Variants in VPS35L observed in about 807,000 individuals in gnomAD.
VPS35L encodes the protein VPS35 endosomal protein-sorting factor-like.
Under a neutral mutation model 133.0 loss-of-function variants are expected in VPS35L, and 83 were observed. The ratio of observed to expected loss-of-function variants is 0.62; its 90% CI spans 0.52 to 0.75. The LOEUF (loss-of-function observed/expected upper bound fraction) is 0.75, where lower values mean the gene tolerates loss of function less well. VPS35L is among the 30% of genes least tolerant of loss of function. The pLI, the probability that VPS35L is intolerant of heterozygous loss-of-function variation, is 0.00. For missense variants in VPS35L, 1,083 were observed against 1,206.8 expected, an observed-to-expected ratio of 0.90 and a Z score of 1.52; for synonymous variants, 423 against 449.9, an observed-to-expected ratio of 0.94 and a Z score of 0.76.
At chr16:19,569,720 G>T in intron 3 of VPS35L, 129 bp downstream of exon 3, 1 of 1,006,728 alleles carries the variant, frequency 9.9e-7, no homozygotes, top group Non-Finnish European at 1.4e-6. Flanking sequence ...CCAGGCTGGA[G>T]TGCAGTGGTG....
At chr16:19,610,619 T>C (rs1972686145) in intron 12 of VPS35L, 2 of 415,706 alleles carry the variant, frequency 4.8e-6, no homozygotes, top group Admixed American at 4.4e-5. Flanking sequence ...ACCAACTTAC[T>C]GTAGCTCTAA....
intron 24 of VPS35L, among the ~76,000 whole-genome samples, chr16:19,648,625 T>C (rs1352645006): frequency 1.3e-5 from 2 of 152,114 alleles, no homozygotes; most frequent in Non-Finnish European, 2.9e-5. Flanking sequence ...CCCAGCACTT[T>C]GGGAGTCTGA....
chr16:19,593,069 A>T (rs929688466), intron 8 of VPS35L, among the ~76,000 whole-genome samples: 3 of 152,146 alleles, frequency 2.0e-5, no homozygotes, highest in African/African-American at 2.4e-5. Context: ...CTAGTCCCAC[A>T]CACCACCTCA....
At chr16:19,632,543 C>T (rs887783873) in intron 18 of VPS35L, among the ~76,000 whole-genome samples, 2 of 152,200 alleles carry the variant, frequency 1.3e-5, no homozygotes, top group Non-Finnish European at 2.9e-5. Flanking sequence ...GTGATGGTGT[C>T]TGGCGTGCTC....
intron 2 of VPS35L, among the ~76,000 whole-genome samples, chr16:19,566,786 C>T (rs1353314151): frequency 6.6e-6 from 1 of 151,450 alleles, no homozygotes; most frequent in Admixed American, 6.6e-5. Context: ...GAGTTTCACT[C>T]TTGCCCAGGC....
At chr16:19,618,513 T>C (rs1972971586) in intron 14 of VPS35L, among the ~76,000 whole-genome samples, 1 of 152,176 alleles carries the variant, frequency 6.6e-6, no homozygotes, top group African/African-American at 2.4e-5. Flanking sequence ...ATTCATGGTA[T>C]ATGGCTAAGT....
chr16:19,599,046 C>T (rs181670420), intron 8 of VPS35L, among the ~76,000 whole-genome samples: 1 of 152,146 alleles, frequency 6.6e-6, no homozygotes, highest in East Asian at 1.9e-4. Flanking sequence ...CGAGGTGTGG[C>T]GCTATAGGGA....
At chr16:19,659,547 T>C (rs1409337442) in intron 26 of VPS35L, among the ~76,000 whole-genome samples, 1 of 152,252 alleles carries the variant, frequency 6.6e-6, no homozygotes, top group Non-Finnish European at 1.5e-5. Context: ...AGGTATTTAA[T>C]TGTTCCTGGA....
intron 8 of VPS35L, among the ~76,000 whole-genome samples, chr16:19,598,816 A>G (rs1278558465): frequency 1.3e-5 from 2 of 151,720 alleles, no homozygotes; most frequent in African/African-American, 2.4e-5. Flanking sequence ...GAATGTGGAG[A>G]TGAAATTTTT....
intron 27 of VPS35L, among the ~76,000 whole-genome samples, chr16:19,673,086 C>T (rs2151608714): frequency 6.6e-6 from 1 of 152,272 alleles, no homozygotes; most frequent in African/African-American, 2.4e-5. Context: ...TCTGAGGTGT[C>T]ATCACAGTGC....
intron 30 of VPS35L, 93 bp from the exon 31 acceptor site, chr16:19,700,284 GA>G: frequency 8.9e-7 from 1 of 1,120,328 alleles, no homozygotes; most frequent in Non-Finnish European, 1.3e-6. Flanking sequence ...TCTCTGCTAA[GA>G]AATCTAAGCT....
At chr16:19,570,635 A>G (rs1457398015) in intron 3 of VPS35L, among the ~76,000 whole-genome samples, 1 of 151,478 alleles carries the variant, frequency 6.6e-6, no homozygotes, top group Non-Finnish European at 1.5e-5. Context: ...TTACAGCATC[A>G]ACTTACTGCA....
chr16:19,632,273 T>G (rs1416186752), intron 18 of VPS35L, among the ~76,000 whole-genome samples: 1 of 152,214 alleles, frequency 6.6e-6, no homozygotes, highest in Non-Finnish European at 1.5e-5. Flanking sequence ...GAGTTACTAA[T>G]TATTTAATAT....
chr16:19,638,695 C>T (rs113872509), intron 20 of VPS35L, among the ~76,000 whole-genome samples: 21 of 152,310 alleles, frequency 1.4e-4, no homozygotes, highest in African/African-American at 3.4e-4. Flanking sequence ...AAGTGACTAA[C>T]GAGCAGGTAG....
intron 8 of VPS35L, among the ~76,000 whole-genome samples, chr16:19,600,126 T>C (rs771325352): frequency 6.6e-6 from 1 of 152,196 alleles, no homozygotes; most frequent in Non-Finnish European, 1.5e-5. Flanking sequence ...CCTCTTAGCT[T>C]GGCTGGCTTC....
At chr16:19,578,976 G>C in intron 5 of VPS35L, 76 bp from the exon 6 acceptor site, 6 of 1,140,550 alleles carry the variant, frequency 5.3e-6, no homozygotes, top group Non-Finnish European at 7.9e-6. Context: ...ATGAAGTGTA[G>C]AGTGAAAGAT....
At chr16:19,689,040 CTTTTT>C (rs766276644) in intron 28 of VPS35L, among the ~76,000 whole-genome samples, 1 of 134,688 alleles carries the variant, frequency 7.4e-6, no homozygotes, top group Non-Finnish European at 1.6e-5. Flanking sequence ...GGTGTCTCTT[CTTTTT>C]TTTTTTTTTT....
chr16:19,562,353 G>A (rs1490879614), intron 1 of VPS35L, among the ~76,000 whole-genome samples: 1 of 152,056 alleles, frequency 6.6e-6, no homozygotes, highest in Non-Finnish European at 1.5e-5. Flanking sequence ...AAAACTGGGC[G>A]GTGCAAACAC....
chr16:19,580,986 A>G (rs117986564), intron 6 of VPS35L, among the ~76,000 whole-genome samples: 2 of 152,158 alleles, frequency 1.3e-5, no homozygotes, highest in East Asian at 3.9e-4. Context: ...GATCCAGTAT[A>G]TGTGTCCCCA....
Sources: allele counts gnomAD v4.1 joint callset (sites outside exome capture counted in the v4.1 genomes callset), GRCh38; gene constraint gnomAD v4.1.1; transcripts MANE v1.5; gene names NCBI Gene and HGNC (gene_info 2026-07-23, HGNC 2026-07-21).